Variants in NCAPG2 observed in about 807,000 individuals in gnomAD.
NCAPG2 encodes non-SMC condensin II complex subunit G2, also known as condensin-2 complex subunit G2.
A neutral mutation model predicts 141.1 loss-of-function variants in NCAPG2; 53 were observed. That is an observed-to-expected ratio of 0.38 (90% confidence interval 0.30 to 0.47). NCAPG2 has a LOEUF of 0.47. Among genes scored for constraint, NCAPG2 ranks in the 20% least tolerant of loss-of-function variants. The pLI is 0.99. For synonymous variants in NCAPG2, 499 were observed against 490.7 expected (o/e 1.02, Z -0.22); for missense variants, 1,087 against 1,389.0 (o/e 0.78, Z 3.46).
chr7:158,687,278 G>T, intron 7 of NCAPG2, 70 bp downstream of exon 7: 1 of 1,072,554 alleles, frequency 9.3e-7, no homozygotes. Flanking sequence ...AACTTAAGAA[G>T]TCAGACCAAA....
intron 11 of NCAPG2, 137 bp from the exon 12 acceptor site, chr7:158,675,793 C>G (rs1834012929): frequency 1.1e-6 from 1 of 871,282 alleles, no homozygotes; most frequent in South Asian, 1.8e-5. Context: ...CATATGGATT[C>G]CTAGACCTGA....
At chr7:158,685,692 T>C (rs991874210) in intron 8 of NCAPG2, among the ~76,000 whole-genome samples, 1 of 152,188 alleles carries the variant, frequency 6.6e-6, no homozygotes, top group Non-Finnish European at 1.5e-5. Context: ...TGCATTTTTT[T>C]CCCAAATATT....
intron 22 of NCAPG2, among the ~76,000 whole-genome samples, chr7:158,653,108 C>A (rs2129458664): frequency 6.6e-6 from 1 of 152,222 alleles, no homozygotes; most frequent in South Asian, 2.1e-4. Flanking sequence ...GTGGCTCACG[C>A]CTGTAATCCC....
chr7:158,653,563 T>C (rs997266967), intron 22 of NCAPG2, among the ~76,000 whole-genome samples: 2 of 152,200 alleles, frequency 1.3e-5, no homozygotes, highest in Admixed American at 6.5e-5. Flanking sequence ...TCTACTTCAG[T>C]TGCAACGTCA....
intron 24 of NCAPG2, among the ~76,000 whole-genome samples, chr7:158,649,260 A>G (rs1831299652): frequency 6.6e-6 from 1 of 152,260 alleles, no homozygotes; most frequent in Non-Finnish European, 1.5e-5. Context: ...ACAATCACAT[A>G]TAAAATAAGT....
Position 158,683,311 on chromosome 7 carries a change from T to C in NCAPG2, c.913A>G (p.Lys305Glu). Reference protein sequence around the residue: ...HLPRRSPVHSKVREVLSYFHH... With the variant: ...HLPRRSPVHSEVREVLSYFHH... Reference sequence around the variant, plus strand: ...GTTCACAATCTTACCTCCCGCACTTTGGAATGCACTGGAGACCTCCTCGGA... The same window carrying C: ...GTTCACAATCTTACCTCCCGCACTTCGGAATGCACTGGAGACCTCCTCGGA... Residue 305 changes from lysine to glutamate, a missense_variant, in exon 9 of 28, where the codon AAA becomes GAA. By Grantham distance (56) the Lys-to-Glu change is moderately conservative. Coordinates refer to ENST00000356309, the MANE Select transcript of NCAPG2 (RefSeq NM_017760.7). 1 of 1,593,812 alleles carries C rather than the reference T, an allele frequency of 6.3e-7. No individual in the cohort carries two copies. Among genetic ancestry groups the C allele is most frequent in the Non-Finnish European group, 8.5e-7 (1 of 1,171,064 alleles).
At chr7:158,653,835 T>G (rs1441157794) in intron 22 of NCAPG2, among the ~76,000 whole-genome samples, 2 of 152,198 alleles carry the variant, frequency 1.3e-5, no homozygotes, top group Non-Finnish European at 2.9e-5. Flanking sequence ...AATGCAGCAC[T>G]GGGATATTGG....
intron 2 of NCAPG2, among the ~76,000 whole-genome samples, chr7:158,694,234 C>T (rs919763046): frequency 1.3e-5 from 2 of 152,180 alleles, no homozygotes; most frequent in Non-Finnish European, 2.9e-5. Context: ...AAATCAATGA[C>T]AGCATACTGA....
chr7:158,655,744 C>CCTGCACGCAGCACCACCCG (rs1554554678), intron 19 of NCAPG2, among the ~76,000 whole-genome samples: 204 of 151,474 alleles, frequency 1.3e-3, no homozygotes, highest in Non-Finnish European at 1.9e-3. Flanking sequence ...CCCCATCTGC[C>CCTGCACGCAGCACCACCCG]TGGCTCCACT....
chr7:158,676,736 C>T (rs931368156), intron 11 of NCAPG2, among the ~76,000 whole-genome samples: 23 of 151,974 alleles, frequency 1.5e-4, no homozygotes, highest in Non-Finnish European at 1.2e-4. Context: ...CTATTAGAAA[C>T]GTTGAAAAAC....
rs72505582 is a variant in NCAPG2, at chr7:158,692,618, G to A, written c.382+224C>T. ...TAGGCGGGCGTGGTGGTGAATGCCTGTAATCCCAGCTACTAGGGAGGCTGA... is the reference window on the plus strand; with the variant it reads ...TAGGCGGGCGTGGTGGTGAATGCCTATAATCCCAGCTACTAGGGAGGCTGA... On this transcript the variant is annotated intron_variant, in intron 4 of 27. Transcript: ENST00000356309. Among the ~76,000 whole-genome samples the A allele has an allele frequency of 4.8e-3, 738 of 152,314 alleles. 43 individuals carry two copies. In the East Asian group the frequency reaches 0.11, roughly 24 times the overall value.
intron 24 of NCAPG2, among the ~76,000 whole-genome samples, chr7:158,647,838 T>C (rs1233037869): frequency 6.6e-6 from 1 of 152,112 alleles, no homozygotes; most frequent in African/African-American, 2.4e-5. Flanking sequence ...TGTACCACCA[T>C]GCCCAGCTAA....
intron 13 of NCAPG2, chr7:158,667,068 C>T: frequency 2.1e-6 from 2 of 936,146 alleles, no homozygotes; most frequent in South Asian, 4.9e-5. Flanking sequence ...GCCAGACTGC[C>T]TCTTATACTC....
intron 27 of NCAPG2, among the ~76,000 whole-genome samples, chr7:158,639,464 T>G (rs1465068565): frequency 6.6e-6 from 1 of 152,190 alleles, no homozygotes; most frequent in Non-Finnish European, 1.5e-5. Context: ...TACATTCTTT[T>G]CCATATGTAT....
chr7:158,662,200 T>C lies in NCAPG2; in HGVS notation c.1983A>G (p.Val661=). The part of the protein sequence containing the change: ...FASVLPEYLK[V]FKDDRCKIPL... Reference sequence around the variant, plus strand: ...AGTATAGTTCAAGACTTACCTTAAATACTTTCAGATACTCTGGAAGCACAG... The same window carrying C: ...AGTATAGTTCAAGACTTACCTTAAACACTTTCAGATACTCTGGAAGCACAG... The change falls in exon 16 of 28, where the codon GTA becomes GTG. Residue 661 remains valine, a synonymous_variant. Transcript: ENST00000356309. 6.2e-7 allele frequency: 1 copy of C among 1,604,076 alleles called. No individual in the cohort carries two copies. The highest frequency in any genetic ancestry group is 8.5e-7 in the Non-Finnish European group (1 of 1,177,194).
intron 10 of NCAPG2, 52 bp downstream of exon 10, chr7:158,680,669 A>G: frequency 8.2e-7 from 1 of 1,224,616 alleles, no homozygotes; most frequent in Non-Finnish European, 1.1e-6. Context: ...TGCTAAATTC[A>G]AAAGCACAAG....
chr7:158,667,234 C>G (rs1015662553), intron 13 of NCAPG2: 2 of 985,196 alleles, frequency 2.0e-6, no homozygotes, highest in Non-Finnish European at 2.4e-6. Flanking sequence ...GCTCTGGCGC[C>G]CAAACTTCCT....
rs571018521 is a variant in NCAPG2, at chr7:158,642,630, G to A, written c.3380+1659C>T. 9.9e-4 allele frequency among the ~76,000 whole-genome samples: 150 copies of A among 152,000 alleles called. 1 individual carries two copies. The highest frequency in any genetic ancestry group is 6.8e-3 in the Middle Eastern group (2 of 294). On this transcript the variant is annotated intron_variant, in intron 27 of 27. Transcript: ENST00000356309. ...AATGCGGAATAAAGCAGTGCTTACAGGAAAATTTATAGCATTGAAAGTACA... is the reference window on the plus strand; with the variant it reads ...AATGCGGAATAAAGCAGTGCTTACAAGAAAATTTATAGCATTGAAAGTACA...
chr7:158,632,585 A>T (rs1226848527), intron 27 of NCAPG2, among the ~76,000 whole-genome samples: 1 of 152,062 alleles, frequency 6.6e-6, no homozygotes, highest in African/African-American at 2.4e-5. Flanking sequence ...AACTCTTACA[A>T]TCCTATTGTC....
Sources: allele counts gnomAD v4.1 joint callset (sites outside exome capture counted in the v4.1 genomes callset), GRCh38; gene constraint gnomAD v4.1.1; transcripts MANE v1.5; gene names NCBI Gene and HGNC (gene_info 2026-07-23, HGNC 2026-07-21).